The following SGPP2 variants were observed in gnomAD, a reference collection of about 807,000 sequenced individuals.
SGPP2 encodes sphingosine 1-phosphate phosphohydrolase 2.
A neutral mutation model predicts 33.9 loss-of-function variants in SGPP2; 30 were observed. That is an observed-to-expected ratio of 0.89 (90% CI 0.66 to 1.20). The LOEUF (loss-of-function observed/expected upper bound fraction) is 1.20, where lower values mean the gene tolerates loss of function less well. Ranked by LOEUF, SGPP2 falls within the 50% of genes most tolerant of loss-of-function variation. The probability of loss-of-function intolerance (pLI) is 0.00; values close to 1 mark genes in which losing one functional copy is unlikely to be tolerated. For synonymous variants in SGPP2, 233 were observed against 225.0 expected (o/e 1.04, Z -0.32); for missense variants, 458 against 532.1 (o/e 0.86, Z 1.37).
At chr2:222,529,976 A>T (rs1698815513) in intron 4 of SGPP2, among the ~76,000 whole-genome samples, 1 of 152,224 alleles carries the variant, frequency 6.6e-6, no homozygotes, top group Non-Finnish European at 1.5e-5. Flanking sequence ...AGCAGGCCTG[A>T]AAACAACATA....
rs928245174 is a variant in SGPP2, at chr2:222,560,725, G to GA, written c.*1832dup. 2 of 152,102 alleles carry GA rather than the reference G, an allele frequency of 1.3e-5. No homozygotes were observed. Among genetic ancestry groups the GA allele is most frequent in the African/African-American group, 4.8e-5 (2 of 41,412 alleles). The allele number at this position is 152,102 out of a possible 1,614,324, so 9.4% of individuals were successfully genotyped here. A position where few individuals can be genotyped will look rare whatever the true frequency, so the allele number is the denominator to read the frequency against. The stretch of plus-strand genomic sequence containing the variant: ...CAGAGGCTCTTAACGTGTTAAAACC[G>GA]AAAAATCACATTTTTCTTGATTTCA... On this transcript the variant is annotated 3_prime_UTR_variant, in exon 5 of 5. Coordinates refer to ENST00000321276, the MANE Select transcript of SGPP2 (RefSeq NM_152386.4).
chr2:222,546,739 A>G (rs1227164267), intron 4 of SGPP2, among the ~76,000 whole-genome samples: 1 of 151,744 alleles, frequency 6.6e-6, no homozygotes, highest in African/African-American at 2.4e-5. Flanking sequence ...CTTATGTATT[A>G]CTATATTGGA....
chr2:222,429,564 A>G (rs1697121390), intron 1 of SGPP2, among the ~76,000 whole-genome samples: 1 of 152,238 alleles, frequency 6.6e-6, no homozygotes, highest in Non-Finnish European at 1.5e-5. Context: ...ATCACCGCCC[A>G]TTGCTAATCA....
intron 1 of SGPP2, among the ~76,000 whole-genome samples, chr2:222,464,361 T>C (rs986817371): frequency 5.3e-5 from 8 of 152,240 alleles, no homozygotes; most frequent in African/African-American, 1.9e-4. Context: ...ATTCCTGGTC[T>C]CTGAAATGAT....
chr2:222,529,779 A>G (rs955903452), intron 4 of SGPP2, among the ~76,000 whole-genome samples: 9 of 152,136 alleles, frequency 5.9e-5, no homozygotes, highest in African/African-American at 1.9e-4. Context: ...ATGAATCACA[A>G]ATGTTCTTAA....
chr2:222,491,567 G>T (rs529326808), intron 2 of SGPP2, among the ~76,000 whole-genome samples: 23 of 152,174 alleles, frequency 1.5e-4, no homozygotes, highest in African/African-American at 4.6e-4. Flanking sequence ...CAGCATGCGG[G>T]GAAACCTCCC....
Position 222,520,986 on chromosome 2 carries a change from C to T in SGPP2, c.379-781C>T, listed in dbSNP as rs111765688. ...TCTTTCCCAGGCTTGCCTTGAATTC[C>T]TGGGCTCAAGCCGTCCTCCCGCCTT... On this transcript the variant is annotated intron_variant, in intron 2 of 4. Transcript: ENST00000321276. Among the ~76,000 whole-genome samples the T allele has an allele frequency of 6.8e-3, 1,030 of 152,272 alleles. 4 individuals are homozygous for T. The highest frequency in any genetic ancestry group is 0.024 in the African/African-American group (982 of 41,546).
intron 1 of SGPP2, among the ~76,000 whole-genome samples, chr2:222,451,502 G>A (rs1262717695): frequency 6.6e-6 from 1 of 152,240 alleles, no homozygotes; most frequent in Admixed American, 6.5e-5. Flanking sequence ...CGCTCTGTGT[G>A]GCTGACTGAG....
chr2:222,424,863 G>T lies in SGPP2; in HGVS notation c.219+42G>T, dbSNP rs143725520. On this transcript the variant is annotated intron_variant, in intron 1 of 4. Transcript: ENST00000321276. ...GTTCGCCGGGTACGGGGAGGGGGCG[G>T]CTGCGGACGTGCGGGTCCCTGCGAC... The T allele has an allele frequency of 8.1e-4, 1,045 of 1,284,754 alleles. 4 individuals carry two copies. Among genetic ancestry groups the T allele is most frequent in the Middle Eastern group, 5.9e-3 (20 of 3,366 alleles). The allele number at this position is 1,284,754 out of a possible 1,614,324, so 79.6% of individuals were successfully genotyped here.
rs1213065959 is a variant in SGPP2, at chr2:222,460,906, A to T, written c.220-13662A>T. The stretch of plus-strand genomic sequence containing the variant: ...ATGCCTTTTTAAAAAATCTCTTTAA[A>T]TTAATTAAGCAATGGGATCTCACTC... On this transcript the variant is annotated intron_variant, in intron 1 of 4. Coordinates refer to ENST00000321276, the MANE Select transcript of SGPP2 (RefSeq NM_152386.4). This position sits in a 1 kb window ranked among gnomAD's most constrained non-coding sequence, Gnocchi z 4.3. Among the ~76,000 whole-genome samples the T allele has an allele frequency of 6.6e-6, 1 of 152,010 alleles. No individual in the cohort carries two copies.
intron 1 of SGPP2, among the ~76,000 whole-genome samples, chr2:222,469,822 T>G (rs1469696249): frequency 6.6e-6 from 1 of 152,222 alleles, no homozygotes; most frequent in Non-Finnish European, 1.5e-5. Flanking sequence ...TTTTATGTTT[T>G]AGTGCAGCAT....
intron 2 of SGPP2, among the ~76,000 whole-genome samples, chr2:222,492,362 G>A (rs1031725688): frequency 1.3e-5 from 2 of 152,236 alleles, no homozygotes; most frequent in African/African-American, 4.8e-5. Flanking sequence ...CCAAACCTCA[G>A]TTCTTGACTT....
chr2:222,518,224 G>A lies in SGPP2; in HGVS notation c.379-3543G>A, dbSNP rs76176522. 6.8e-3 allele frequency among the ~76,000 whole-genome samples: 1,037 copies of A among 152,278 alleles called. 4 individuals are homozygous for A. Among genetic ancestry groups the A allele is most frequent in the African/African-American group, 0.024 (984 of 41,550 alleles). On this transcript the variant is annotated intron_variant, in intron 2 of 4. Transcript: ENST00000321276. ...TATTAATGAGACATAATATGCAGCCGTAGTATTTTTAAATAAAATGAATGA... is the reference window on the plus strand; with the variant it reads ...TATTAATGAGACATAATATGCAGCCATAGTATTTTTAAATAAAATGAATGA...
chr2:222,459,698 A>C (rs1054589946), intron 1 of SGPP2, among the ~76,000 whole-genome samples: 2 of 152,070 alleles, frequency 1.3e-5, no homozygotes, highest in African/African-American at 4.8e-5. Context: ...GGCTCCCGGA[A>C]CATGAACCTC....
intron 2 of SGPP2, among the ~76,000 whole-genome samples, chr2:222,491,595 C>A (rs1698198103): frequency 6.6e-6 from 1 of 152,178 alleles, no homozygotes; most frequent in Non-Finnish European, 1.5e-5. Flanking sequence ...CCAATCACCT[C>A]CCACCTGGTC....
chr2:222,517,705 A>G (rs1210959485), intron 2 of SGPP2, among the ~76,000 whole-genome samples: 1 of 152,178 alleles, frequency 6.6e-6, no homozygotes, highest in African/African-American at 2.4e-5. Flanking sequence ...CTAGACTCCT[A>G]ACGTGGGGCC....
intron 2 of SGPP2, among the ~76,000 whole-genome samples, chr2:222,502,075 CAT>C (rs1481991729): frequency 1.3e-5 from 2 of 152,156 alleles, no homozygotes; most frequent in Admixed American, 6.5e-5. Flanking sequence ...TAGGCACACT[CAT>C]AGAATACAAG....
chr2:222,539,913 A>G (rs1316996805), intron 4 of SGPP2, among the ~76,000 whole-genome samples: 1 of 152,182 alleles, frequency 6.6e-6, no homozygotes, highest in Non-Finnish European at 1.5e-5. Context: ...ACTATGGGAA[A>G]CCATGCTTAG....
At chr2:222,514,769 G>T (rs1698579352) in intron 2 of SGPP2, among the ~76,000 whole-genome samples, 1 of 152,154 alleles carries the variant, frequency 6.6e-6, no homozygotes, top group Non-Finnish European at 1.5e-5. Context: ...AAGGCATGTT[G>T]CATCCCTGGC....
Sources: gnomAD v4.1 joint callset for allele counts (sites outside exome capture counted in the v4.1 genomes callset) on GRCh38, gnomAD v4.1.1 for gene constraint, Gnocchi (gnomAD v3.1) non-coding constraint, MANE v1.5 for transcripts, NCBI Gene and HGNC (gene_info 2026-07-23, HGNC 2026-07-21) for gene names.